WARS2: variants seen among roughly 807,000 people sequenced by gnomAD.
WARS2 encodes the protein tryptophan--tRNA ligase, mitochondrial.
Under a neutral mutation model 36.5 loss-of-function variants are expected in WARS2, and 28 were observed. The ratio of observed to expected loss-of-function variants is 0.77; its 90% CI spans 0.57 to 1.05. The LOEUF (loss-of-function observed/expected upper bound fraction) is 1.05. Among genes scored for constraint, WARS2 ranks in the 50% least tolerant of loss-of-function variants. WARS2 has a pLI of 0.00. For synonymous variants in WARS2, 174 were observed against 178.4 expected, an observed-to-expected ratio of 0.98 and a Z score of 0.20; for missense variants, 435 against 456.8, an observed-to-expected ratio of 0.95 and a Z score of 0.44.
intron 1 of WARS2, chr1:119,085,448 CTCTT>C (rs977634059): frequency 3.9e-6 from 6 of 1,519,070 alleles, no homozygotes; most frequent in Non-Finnish European, 5.3e-6. Flanking sequence ...AGTCAGTTGT[CTCTT>C]TTTCTTTTTT....
rs1410490798 is a variant in WARS2 at position 119,031,703 on chromosome 1, G to C, written c.*1208C>G. ...GGAAGTGCAGAAAAGCTAGGTTTCA[G>C]GGTGACATTACTTAACTGAGGTAGA... On this transcript the variant is annotated 3_prime_UTR_variant, in exon 6 of 6. Transcript: ENST00000235521. 1 of 152,240 alleles carries C rather than the reference G, an allele frequency of 6.6e-6. No homozygotes were observed. The highest frequency in any genetic ancestry group is 1.5e-5 in the Non-Finnish European group (1 of 68,066). 9.4% of individuals were successfully genotyped at this position (152,240 alleles called of 1,614,324 possible).
chr1:119,031,470 A>G lies in WARS2; in HGVS notation c.*1441T>C, dbSNP rs1451715306. 1 of 152,212 alleles carries G rather than the reference A, an allele frequency of 6.6e-6. No individual in the cohort carries two copies. The highest frequency in any genetic ancestry group is 1.5e-5 in the Non-Finnish European group (1 of 68,038). The allele number at this position is 152,212 out of a possible 1,614,324, so 9.4% of individuals were successfully genotyped here. A position where few individuals can be genotyped will look rare whatever the true frequency, so the allele number is the denominator to read the frequency against. On this transcript the variant is annotated 3_prime_UTR_variant, in exon 6 of 6. Transcript: ENST00000235521. ...GGGATGGGGCGTTTTGTGGATTAAC[A>G]TGTGTTCTGACACAAGGACTACTCT...
At chr1:119,095,796 A>C (rs1237964766) in intron 1 of WARS2, among the ~76,000 whole-genome samples, 1 of 152,214 alleles carries the variant, frequency 6.6e-6, no homozygotes, top group Non-Finnish European at 1.5e-5. Context: ...AGCCTCTTAT[A>C]CAAGTTGTAA....
intron 2 of WARS2, among the ~76,000 whole-genome samples, chr1:119,054,516 T>C (rs367793033): frequency 1.3e-5 from 2 of 152,066 alleles, no homozygotes; most frequent in African/African-American, 2.4e-5. Context: ...AAATTAAAAA[T>C]AGAATTACCA....
At chr1:119,094,999 C>T (rs1228975220) in intron 1 of WARS2, among the ~76,000 whole-genome samples, 3 of 152,156 alleles carry the variant, frequency 2.0e-5, no homozygotes, top group African/African-American at 7.2e-5. Context: ...CTCTGAATGA[C>T]AGCCTATAAG....
chr1:119,044,487 G>C (rs1368767015), intron 3 of WARS2, among the ~76,000 whole-genome samples: 1 of 152,176 alleles, frequency 6.6e-6, no homozygotes. Flanking sequence ...GGCAAGTAAT[G>C]AATCTGCAGC....
At position 119,073,885 on chromosome 1, in the gene WARS2, T is replaced by C. The variant is rs184480483; in HGVS notation, c.348+2465A>G. On this transcript the variant is annotated intron_variant, in intron 2 of 5. Transcript: ENST00000235521. Reference sequence around the variant, plus strand: ...AAAATTATACTATGGTAATCATTCCTGAGAGATTGAGCTCAAAGTGCAAGT... The same window carrying C: ...AAAATTATACTATGGTAATCATTCCCGAGAGATTGAGCTCAAAGTGCAAGT... Among the ~76,000 whole-genome samples the C allele has an allele frequency of 1.2e-4, 18 of 152,340 alleles. No homozygotes were observed. The East Asian group carries it at 3.3e-3, about 28-fold the overall frequency.
chr1:119,134,329 A>C (rs1445622635), intron 1 of WARS2, among the ~76,000 whole-genome samples: 1 of 150,868 alleles, frequency 6.6e-6, no homozygotes, highest in African/African-American at 2.4e-5. Context: ...CAAAAAAAAA[A>C]AAAAAAAAAA....
chr1:119,130,476 G>C (rs1441248899), intron 1 of WARS2, among the ~76,000 whole-genome samples: 5 of 152,168 alleles, frequency 3.3e-5, no homozygotes, highest in African/African-American at 1.2e-4. Context: ...TAAGCGACAA[G>C]TTTGAAATTC....
intron 1 of WARS2, among the ~76,000 whole-genome samples, chr1:119,088,263 G>A (rs1571341358): frequency 1.3e-5 from 2 of 152,202 alleles, no homozygotes; most frequent in South Asian, 4.2e-4. Flanking sequence ...TGATGCCTGG[G>A]CACCACCCCC....
At chr1:119,110,909 A>G (rs1330199386) in intron 1 of WARS2, among the ~76,000 whole-genome samples, 2 of 152,252 alleles carry the variant, frequency 1.3e-5, no homozygotes, top group East Asian at 3.9e-4. Context: ...TTCAACAACT[A>G]TGTCCACCCT....
At chr1:119,095,334 G>T (rs1214714631) in intron 1 of WARS2, among the ~76,000 whole-genome samples, 2 of 152,130 alleles carry the variant, frequency 1.3e-5, no homozygotes. Flanking sequence ...TATTTAGCAA[G>T]TTTGTTTAAA....
chr1:119,064,087 T>C (rs1034859924), intron 2 of WARS2: 2 of 151,782 alleles, frequency 1.3e-5, no homozygotes, highest in Non-Finnish European at 2.9e-5. Context: ...GCCACAGGAG[T>C]GGAGCTGCTC....
At chr1:119,126,475 T>C (rs1188374823) in intron 1 of WARS2, 1 of 392,696 alleles carries the variant, frequency 2.5e-6, no homozygotes, top group Non-Finnish European at 4.4e-6. Context: ...CTGAGGTAGA[T>C]ACTATTTTTT....
intron 2 of WARS2, among the ~76,000 whole-genome samples, chr1:119,060,595 C>T (rs1327440656): frequency 6.6e-6 from 1 of 152,144 alleles, no homozygotes; most frequent in East Asian, 1.9e-4. Context: ...ACACAGATAG[C>T]AAGTTTCAAC....
At chr1:119,042,115 G>T in intron 4 of WARS2, 149 bp downstream of exon 4, 1 of 592,552 alleles carries the variant, frequency 1.7e-6, no homozygotes. Flanking sequence ...CTATAATGTA[G>T]TATTTCTGGG....
intron 1 of WARS2, among the ~76,000 whole-genome samples, chr1:119,114,695 T>C (rs923672437): frequency 2.0e-5 from 3 of 152,184 alleles, no homozygotes; most frequent in Non-Finnish European, 4.4e-5. Flanking sequence ...ATGGGTAGGA[T>C]TTGGCAACTC....
chr1:119,065,797 T>G (rs955003506), intron 2 of WARS2, among the ~76,000 whole-genome samples: 2 of 152,158 alleles, frequency 1.3e-5, no homozygotes, highest in Non-Finnish European at 1.5e-5. Flanking sequence ...ACAGATGGTA[T>G]TGGTTATAAA....
intron 1 of WARS2, among the ~76,000 whole-genome samples, chr1:119,101,737 A>C (rs969197507): frequency 6.6e-6 from 1 of 152,282 alleles, no homozygotes; most frequent in East Asian, 1.9e-4. Context: ...ACTATCTCAA[A>C]GTTACTGGAA....
Sources: allele counts gnomAD v4.1 joint callset (sites outside exome capture counted in the v4.1 genomes callset), GRCh38; gene constraint gnomAD v4.1.1; transcripts MANE v1.5; gene names NCBI Gene and HGNC (gene_info 2026-07-23, HGNC 2026-07-21).